Variants in KATNAL1 observed in about 807,000 individuals in gnomAD.
KATNAL1 encodes katanin catalytic subunit A1 like 1, also known as katanin p60 ATPase-containing subunit A-like 1.
In KATNAL1, 32 loss-of-function variants were observed where a neutral mutation model predicts 55.2. That is an observed-to-expected ratio of 0.58 (90% confidence interval 0.44 to 0.78). The LOEUF (loss-of-function observed/expected upper bound fraction) is 0.78, where lower values mean the gene tolerates loss of function less well. KATNAL1 is among the 30% of genes least tolerant of loss of function. The probability of loss-of-function intolerance (pLI) is 0.00; values close to 1 mark genes in which losing one functional copy is unlikely to be tolerated. For synonymous variants in KATNAL1, 193 were observed against 193.6 expected (o/e 1.00, Z 0.02); for missense variants, 466 against 600.9 (o/e 0.78, Z 2.35).
At chr13:30,248,825 C>T (rs1566105992) in intron 4 of KATNAL1, among the ~76,000 whole-genome samples, 4 of 151,918 alleles carry the variant, frequency 2.6e-5, no homozygotes, top group Non-Finnish European at 4.4e-5. Flanking sequence ...TTTGGGAGGC[C>T]GAGACGGGTG....
chr13:30,209,925 G>C (rs771116585), intron 10 of KATNAL1, among the ~76,000 whole-genome samples: 38 of 152,098 alleles, frequency 2.5e-4, no homozygotes, highest in Non-Finnish European at 4.6e-4. Flanking sequence ...GGAACTACAG[G>C]TGTCCGCCAC....
chr13:30,275,040 C>T (rs554340150), intron 3 of KATNAL1, among the ~76,000 whole-genome samples: 4 of 151,860 alleles, frequency 2.6e-5, no homozygotes, highest in Non-Finnish European at 4.4e-5. Flanking sequence ...ACACATACTA[C>T]GTGATCTGAC....
intron 9 of KATNAL1, among the ~76,000 whole-genome samples, chr13:30,226,002 T>C (rs930166341): frequency 7.9e-5 from 12 of 152,094 alleles, no homozygotes; most frequent in Admixed American, 6.6e-4. Flanking sequence ...ACAAAAAGTA[T>C]ACCATGACCA....
At chr13:30,304,952 C>A (rs1411018166) in intron 1 of KATNAL1, among the ~76,000 whole-genome samples, 1 of 152,184 alleles carries the variant, frequency 6.6e-6, no homozygotes, top group African/African-American at 2.4e-5. Flanking sequence ...TCAATTTTAT[C>A]TCTTAAATAT....
chr13:30,297,361 A>AT (rs138803187), intron 1 of KATNAL1, among the ~76,000 whole-genome samples: 2,806 of 152,278 alleles, frequency 0.018, 93 homozygotes, highest in African/African-American at 0.063. Context: ...AATTGTTAGC[A>AT]TTTTTTAGCA....
At chr13:30,261,318 C>A (rs1593905852) in intron 3 of KATNAL1, among the ~76,000 whole-genome samples, 1 of 151,496 alleles carries the variant, frequency 6.6e-6, no homozygotes, top group East Asian at 1.9e-4. Context: ...AACTAACGAG[C>A]AAAATAACCA....
intron 3 of KATNAL1, among the ~76,000 whole-genome samples, chr13:30,257,646 C>T (rs1431415128): frequency 9.9e-5 from 15 of 152,196 alleles, no homozygotes. Flanking sequence ...CACACAAATC[C>T]CGCTCAGTAA....
chr13:30,260,666 G>C (rs1211610472), intron 3 of KATNAL1, among the ~76,000 whole-genome samples: 2 of 151,880 alleles, frequency 1.3e-5, no homozygotes, highest in African/African-American at 4.8e-5. Flanking sequence ...GGGAAATTTA[G>C]AGAAAAAAGG....
At chr13:30,247,499 C>A (rs1474030764) in intron 4 of KATNAL1, among the ~76,000 whole-genome samples, 1 of 152,176 alleles carries the variant, frequency 6.6e-6, no homozygotes, top group Non-Finnish European at 1.5e-5. Flanking sequence ...CAAACAGAAA[C>A]CCCTGCCCTC....
intron 1 of KATNAL1, among the ~76,000 whole-genome samples, chr13:30,300,949 C>T (rs963155807): frequency 6.6e-6 from 1 of 152,174 alleles, no homozygotes; most frequent in Non-Finnish European, 1.5e-5. Flanking sequence ...AGAGCTTAAA[C>T]GTTTCTCAAA....
chr13:30,282,899 G>T (rs1199375023), intron 2 of KATNAL1, among the ~76,000 whole-genome samples: 2 of 148,878 alleles, frequency 1.3e-5, no homozygotes, highest in African/African-American at 5.0e-5. Flanking sequence ...AGCTTACAGT[G>T]AGCCGAGATC....
intron 9 of KATNAL1, among the ~76,000 whole-genome samples, chr13:30,213,658 A>G (rs997327955): frequency 6.6e-6 from 1 of 152,316 alleles, no homozygotes. Flanking sequence ...TATAAACAGA[A>G]CCATAGACAA....
rs1350247729 is a variant in KATNAL1, at chr13:30,231,420, G to C, written c.779C>G (p.Ala260Gly). The C allele has an allele frequency of 6.2e-7, 1 of 1,602,836 alleles. No individual in the cohort carries two copies. Among genetic ancestry groups the C allele is most frequent in the African/African-American group, 1.3e-5 (1 of 74,714 alleles). Reference sequence around the variant, plus strand: ...TGTTGTACCACATTCAGTGGCAACAGCTTTAGCTAGCATAGTTTTACCAGT... The same window carrying C: ...TGTTGTACCACATTCAGTGGCAACACCTTTAGCTAGCATAGTTTTACCAGT... The part of the protein sequence containing the change: ...PGTGKTMLAK[A>G]VATECGTTFF... Residue 260 changes from alanine to glycine, a missense_variant, in exon 7 of 11, where the codon GCT (alanine) becomes GGT (glycine). Ala to Gly is a moderately conservative substitution (Grantham distance 60). Transcript: ENST00000380615.
At chr13:30,293,773 G>A (rs1384771645) in intron 1 of KATNAL1, among the ~76,000 whole-genome samples, 3 of 152,032 alleles carry the variant, frequency 2.0e-5, no homozygotes, top group East Asian at 1.9e-4. Context: ...ACTGCACTTC[G>A]CAGACACCAT....
rs1555256165 is a variant in KATNAL1 at position 30,204,390 on chromosome 13, A to C, written c.*4150T>G. ...TGAAGGAACCGAAGTCCACTCACAC[A>C]ACATGAAATACTTGCCTAGTCCTTC... is the stretch of plus-strand genomic sequence containing the variant. On this transcript the variant is annotated 3_prime_UTR_variant, in exon 11 of 11. Transcript: ENST00000380615. 6.6e-6 allele frequency: 1 copy of C among 152,218 alleles called. No individual in the cohort carries two copies. The highest frequency in any genetic ancestry group is 2.4e-5 in the African/African-American group (1 of 41,448). 9.4% of individuals were successfully genotyped at this position (152,218 alleles called of 1,614,324 possible). A position where few individuals can be genotyped will look rare whatever the true frequency, so the allele number is the denominator to read the frequency against.
At chr13:30,271,694 A>C (rs1341080622) in intron 3 of KATNAL1, among the ~76,000 whole-genome samples, 1 of 152,062 alleles carries the variant, frequency 6.6e-6, no homozygotes, top group African/African-American at 2.4e-5. Context: ...CATAGATCCA[A>C]ACTATATCAG....
At chr13:30,272,090 C>T (rs1880421356) in intron 3 of KATNAL1, among the ~76,000 whole-genome samples, 1 of 152,048 alleles carries the variant, frequency 6.6e-6, no homozygotes, top group African/African-American at 2.4e-5. Context: ...TGAAGAGCAG[C>T]AGGATTTCTT....
intron 2 of KATNAL1, among the ~76,000 whole-genome samples, chr13:30,281,128 AAAAAAAAAAG>A (rs1881261260): frequency 6.7e-6 from 1 of 148,352 alleles, no homozygotes; most frequent in African/African-American, 2.5e-5. Context: ...ATGTCAAAAA[AAAAAAAAAAG>A]AAAAGAAAAG....
At chr13:30,286,468 G>A (rs1324616961) in intron 1 of KATNAL1, among the ~76,000 whole-genome samples, 1 of 152,248 alleles carries the variant, frequency 6.6e-6, no homozygotes, top group East Asian at 1.9e-4. Flanking sequence ...ACATGGTGCT[G>A]GGCCTGCAAG....
Sources: gnomAD v4.1 joint callset for allele counts (sites outside exome capture counted in the v4.1 genomes callset) on GRCh38, gnomAD v4.1.1 for gene constraint, MANE v1.5 for transcripts, NCBI Gene and HGNC (gene_info 2026-07-23, HGNC 2026-07-21) for gene names.